The following DEPDC1B variants were observed in gnomAD, a reference collection of about 807,000 sequenced individuals.
DEPDC1B encodes DEP domain-containing protein 1B.
In DEPDC1B, 51 loss-of-function variants were observed where a neutral mutation model predicts 66.5. That is an observed-to-expected ratio of 0.77 (90% CI 0.61 to 0.97). DEPDC1B has a LOEUF of 0.97. Among genes scored for constraint, DEPDC1B ranks in the 50% least tolerant of loss-of-function variants. DEPDC1B has a pLI of 0.00. For synonymous variants in DEPDC1B, 226 were observed against 223.6 expected (o/e 1.01, Z -0.10); for missense variants, 552 against 637.1 (o/e 0.87, Z 1.44).
In DEPDC1B at chr5:60,645,521, T is replaced by C; in HGVS notation, c.549A>G (p.Glu183=). Residue 183 remains glutamate (E), a synonymous_variant, in exon 4 of 11, where the codon GAA becomes GAG. Transcript: ENST00000265036. ...ATAATGTCATAGACTTCCATATCTCTTCTACATTGGCCTCTGTCAGCTGTC... is the reference window on the plus strand; with the variant it reads ...ATAATGTCATAGACTTCCATATCTCCTCTACATTGGCCTCTGTCAGCTGTC... The part of the protein sequence containing the change: ...HRRQLTEANV[E]EIWKSMTLSY... 2 of 1,612,596 alleles carry C rather than the reference T, an allele frequency of 1.2e-6. No homozygotes were observed. The highest frequency in any genetic ancestry group is 1.7e-6 in the Non-Finnish European group (2 of 1,179,190).
rs929174737 is a variant in DEPDC1B, at chr5:60,621,361, G to C, written c.899-15505C>G. ...CATATACACCATGGAATACTATGCA[G>C]CCATAAAAAAGGATGAGTTCATGTC... On this transcript the variant is annotated intron_variant, in intron 7 of 10. Transcript: ENST00000265036. Among the ~76,000 whole-genome samples the C allele has an allele frequency of 7.9e-5, 12 of 151,438 alleles. No homozygotes were observed. The East Asian group carries it at 2.3e-3, about 29-fold the overall frequency.
intron 7 of DEPDC1B, among the ~76,000 whole-genome samples, chr5:60,632,726 C>T (rs1752953487): frequency 6.6e-6 from 1 of 152,234 alleles, no homozygotes; most frequent in South Asian, 2.1e-4. Context: ...AGGGGTCCCT[C>T]TAGGCTGGGT....
At chr5:60,617,577 A>C (rs1198239733) in intron 7 of DEPDC1B, among the ~76,000 whole-genome samples, 1 of 152,234 alleles carries the variant, frequency 6.6e-6, no homozygotes, top group Admixed American at 6.5e-5. Flanking sequence ...CAATTCAACA[A>C]GAAGAGCTAA....
intron 2 of DEPDC1B, among the ~76,000 whole-genome samples, chr5:60,685,609 T>C (rs1211953734): frequency 2.0e-5 from 3 of 152,170 alleles, no homozygotes; most frequent in African/African-American, 2.4e-5. Flanking sequence ...CTGGGACTCA[T>C]AAAGCCTCCT....
At chr5:60,646,189 C>G (rs956604872) in intron 3 of DEPDC1B, among the ~76,000 whole-genome samples, 1 of 152,098 alleles carries the variant, frequency 6.6e-6, no homozygotes, top group Non-Finnish European at 1.5e-5. Flanking sequence ...AGCATTACAC[C>G]TCAGTCCTGG....
chr5:60,686,946 T>TA lies in DEPDC1B; in HGVS notation c.314+15dup. ...TCCCCAATTCCTCACCTTCCAGGTT[T>TA]ACATGTTGCCATTACCTGTATAAGT... On this transcript the variant is annotated intron_variant, in intron 2 of 10. Coordinates refer to ENST00000265036, the MANE Select transcript of DEPDC1B (RefSeq NM_018369.3). The TA allele has an allele frequency of 6.2e-7, 1 of 1,612,928 alleles. No homozygotes were observed. The highest frequency in any genetic ancestry group is 8.5e-7 in the Non-Finnish European group (1 of 1,178,972).
chr5:60,621,054 C>A (rs1752688669), intron 7 of DEPDC1B, among the ~76,000 whole-genome samples: 2 of 151,956 alleles, frequency 1.3e-5, no homozygotes, highest in African/African-American at 4.8e-5. Context: ...AAACCAAACA[C>A]CACATGTTGC....
chr5:60,700,060 G>T lies in DEPDC1B; in HGVS notation c.34C>A (p.Arg12=). Residue 12 remains arginine, a synonymous_variant, in exon 1 of 11, where the codon CGA becomes AGA. Coordinates refer to ENST00000265036, the MANE Select transcript of DEPDC1B (RefSeq NM_018369.3). The stretch of plus-strand genomic sequence containing the variant: ...CACTCACTCACCAGCCTGGTAGCTC[G>T]GTACGGCCCGGGCCCCACGATGCGA... ...EHRIVGPGPY[R]ATRLWNETVE... is the part of the protein sequence containing the mutation. 3 of 1,558,036 alleles carry T rather than the reference G, an allele frequency of 1.9e-6. No individual in the cohort carries two copies. The highest frequency in any genetic ancestry group is 2.4e-5 in the East Asian group (1 of 41,564).
At chr5:60,656,494 A>G (rs1753579751) in intron 2 of DEPDC1B, among the ~76,000 whole-genome samples, 1 of 152,030 alleles carries the variant, frequency 6.6e-6, no homozygotes, top group Non-Finnish European at 1.5e-5. Context: ...TGATTTGTTT[A>G]GTGCTGCCAG....
At chr5:60,602,633 A>G (rs1006703904) in intron 9 of DEPDC1B, among the ~76,000 whole-genome samples, 3 of 152,156 alleles carry the variant, frequency 2.0e-5, no homozygotes, top group Non-Finnish European at 4.4e-5. Flanking sequence ...TTTCTTTTGC[A>G]TTGTTTTTAT....
intron 2 of DEPDC1B, among the ~76,000 whole-genome samples, chr5:60,657,351 T>TTC (rs1753600920): frequency 6.6e-6 from 1 of 152,214 alleles, no homozygotes; most frequent in African/African-American, 2.4e-5. Flanking sequence ...GTTGCCTGAA[T>TTC]ACCTTGTTGT....
At chr5:60,693,358 G>A (rs1226238189) in intron 1 of DEPDC1B, among the ~76,000 whole-genome samples, 3 of 152,062 alleles carry the variant, frequency 2.0e-5, no homozygotes, top group Non-Finnish European at 2.9e-5. Context: ...GCAGAGCAAA[G>A]GCTAAATAAT....
At chr5:60,694,689 ATC>A (rs1262228254) in intron 1 of DEPDC1B, among the ~76,000 whole-genome samples, 2 of 152,154 alleles carry the variant, frequency 1.3e-5, no homozygotes, top group Non-Finnish European at 2.9e-5. Flanking sequence ...CTATTGGGTT[ATC>A]TCTTTTTTAA....
intron 2 of DEPDC1B, among the ~76,000 whole-genome samples, chr5:60,659,687 T>G (rs531119551): frequency 1.3e-5 from 2 of 152,352 alleles, no homozygotes; most frequent in South Asian, 4.1e-4. Context: ...CCATACCTCC[T>G]GGGTCCCAAC....
intron 7 of DEPDC1B, among the ~76,000 whole-genome samples, chr5:60,621,693 A>G (rs1169778358): frequency 1.3e-5 from 2 of 152,368 alleles, no homozygotes; most frequent in Admixed American, 6.5e-5. Flanking sequence ...CCTAGAACTT[A>G]AAGTATTAAA....
chr5:60,624,617 T>G (rs1254275389), intron 7 of DEPDC1B, among the ~76,000 whole-genome samples: 1 of 152,208 alleles, frequency 6.6e-6, no homozygotes, highest in African/African-American at 2.4e-5. Context: ...CATCTGGACC[T>G]GGAGTTCTAG....
chr5:60,650,967 T>A (rs1366762162), intron 2 of DEPDC1B, among the ~76,000 whole-genome samples: 1 of 152,164 alleles, frequency 6.6e-6, no homozygotes, highest in Non-Finnish European at 1.5e-5. Context: ...CTTGTATAAC[T>A]CATTATTATG....
At position 60,652,233 on chromosome 5, in the gene DEPDC1B, T is replaced by G. The variant is rs548813595; in HGVS notation, c.315-4700A>C. 7.2e-4 allele frequency among the ~76,000 whole-genome samples: 108 copies of G among 149,708 alleles called. 12 individuals carry two copies. The highest frequency in any genetic ancestry group is 2.5e-3 in the African/African-American group (99 of 39,940). Reference sequence around the variant, plus strand: ...TGTTCAAAAAATGGTGGCATTAGCATGATCTGAAAATGGAGTTTTCAGCCC... The same window carrying G: ...TGTTCAAAAAATGGTGGCATTAGCAGGATCTGAAAATGGAGTTTTCAGCCC... On this transcript the variant is annotated intron_variant, in intron 2 of 10. Coordinates refer to ENST00000265036, the MANE Select transcript of DEPDC1B (RefSeq NM_018369.3).
intron 7 of DEPDC1B, among the ~76,000 whole-genome samples, chr5:60,637,339 G>T (rs776965621): frequency 2.0e-5 from 3 of 152,116 alleles, no homozygotes; most frequent in Admixed American, 1.3e-4. Flanking sequence ...TTTAAAGTGT[G>T]TAGCACCTCC....
Sources: allele counts gnomAD v4.1 joint callset (sites outside exome capture counted in the v4.1 genomes callset), GRCh38; gene constraint gnomAD v4.1.1; transcripts MANE v1.5; gene names NCBI Gene and HGNC (gene_info 2026-07-23, HGNC 2026-07-21).